The following RNLS variants were observed in gnomAD, a reference collection of about 807,000 sequenced individuals.
RNLS encodes the protein renalase.
RNLS carries 39 observed loss-of-function variants against 39.8 expected under a neutral mutation model. The ratio of observed to expected loss-of-function variants is 0.98; its 90% CI spans 0.76 to 1.28. The LOEUF is 1.28. Among genes scored for constraint, RNLS ranks in the 50% most tolerant of loss-of-function variants. The probability of loss-of-function intolerance (pLI) is 0.00; values close to 1 mark genes in which losing one functional copy is unlikely to be tolerated. For missense variants in RNLS, 410 were observed against 413.3 expected (o/e 0.99, Z 0.07); for synonymous variants, 147 against 150.7 (o/e 0.98, Z 0.18).
chr10:88,323,095 C>T (rs562164926), intron 5 of RNLS, among the ~76,000 whole-genome samples: 1 of 152,144 alleles, frequency 6.6e-6, no homozygotes, highest in East Asian at 1.9e-4. Flanking sequence ...AAGATCTATA[C>T]AAGGAGAACA....
At chr10:88,447,755 C>G (rs1842127758) in intron 4 of RNLS, among the ~76,000 whole-genome samples, 1 of 152,180 alleles carries the variant, frequency 6.6e-6, no homozygotes, top group South Asian at 2.1e-4. Flanking sequence ...TGACTTCAAA[C>G]TAAACTACAA....
At chr10:88,237,870 G>A in the RNLS span, among the ~76,000 whole-genome samples, 208 of 152,342 alleles carry the variant, frequency 1.4e-3, 1 homozygote, top group African/African-American at 4.7e-3. Context: ...CCATGTAGTT[G>A]AAGCGGTAAC....
intron 4 of RNLS, among the ~76,000 whole-genome samples, chr10:88,448,609 A>G (rs537626222): frequency 3.9e-5 from 6 of 152,258 alleles, no homozygotes; most frequent in South Asian, 2.1e-4. Flanking sequence ...TTACAGATCT[A>G]GAACTAGAAA....
In RNLS at chr10:88,500,402, G is replaced by A. The variant is rs150188316; in HGVS notation, c.526+72501C>T. On this transcript the variant is annotated intron_variant, in intron 4 of 6. Coordinates refer to ENST00000331772, the MANE Select transcript of RNLS (RefSeq NM_001031709.3). Reference sequence around the variant, plus strand: ...AGCATCTGTATTTTCCAAACTAGAAGTAAACTTTCCTCTTCAGTGATTTTG... The same window carrying A: ...AGCATCTGTATTTTCCAAACTAGAAATAAACTTTCCTCTTCAGTGATTTTG... Among the ~76,000 whole-genome samples, 201 of 152,266 alleles carry A rather than the reference G, an allele frequency of 1.3e-3. 1 individual carries two copies. The highest frequency in any genetic ancestry group is 4.7e-3 in the African/African-American group (196 of 41,576).
intron 5 of RNLS, among the ~76,000 whole-genome samples, chr10:88,356,458 G>A (rs1362168621): frequency 6.6e-6 from 1 of 152,166 alleles, no homozygotes; most frequent in Non-Finnish European, 1.5e-5. Flanking sequence ...GTGTCACAAG[G>A]TGACAGGATT....
At chr10:88,519,367 T>C (rs1161429493) in intron 4 of RNLS, among the ~76,000 whole-genome samples, 1 of 151,912 alleles carries the variant, frequency 6.6e-6, no homozygotes. Flanking sequence ...AGACTAATGC[T>C]TACATAGGCA....
At chr10:88,578,263 A>AT (rs558086166) in intron 3 of RNLS, among the ~76,000 whole-genome samples, 305 of 152,008 alleles carry the variant, frequency 2.0e-3, no homozygotes, top group Middle Eastern at 3.4e-3. Flanking sequence ...CATTACGCTC[A>AT]TTTTTTTCAA....
At chr10:88,554,345 T>G (rs1380241555) in intron 4 of RNLS, among the ~76,000 whole-genome samples, 1 of 152,180 alleles carries the variant, frequency 6.6e-6, no homozygotes, top group Non-Finnish European at 1.5e-5. Flanking sequence ...ATTCATTTAT[T>G]CATTCACTCA....
intron 4 of RNLS, among the ~76,000 whole-genome samples, chr10:88,488,546 C>CAAAAAAA (rs3033822): frequency 2.5e-5 from 2 of 78,996 alleles, no homozygotes; most frequent in South Asian, 4.2e-4. Flanking sequence ...AACTCCGTCT[C>CAAAAAAA]AAAAAAAAAA....
At chr10:88,405,656 T>G (rs898390918) in intron 4 of RNLS, among the ~76,000 whole-genome samples, 1 of 152,036 alleles carries the variant, frequency 6.6e-6, no homozygotes, top group Non-Finnish European at 1.5e-5. Context: ...CATTCTGCAG[T>G]TCTGTATCTT....
At chr10:88,572,199 T>TA (rs1234054232) in intron 4 of RNLS, among the ~76,000 whole-genome samples, 2 of 152,182 alleles carry the variant, frequency 1.3e-5, no homozygotes, top group Non-Finnish European at 2.9e-5. Flanking sequence ...ATTTGTAGTT[T>TA]AGAGTCTACT....
chr10:88,401,322 C>T (rs1852901920), intron 4 of RNLS, among the ~76,000 whole-genome samples: 1 of 151,966 alleles, frequency 6.6e-6, no homozygotes, highest in African/African-American at 2.4e-5. Context: ...TGAGACAGGT[C>T]TTTATAACAT....
chr10:88,566,490 C>T (rs1849508827), intron 4 of RNLS, among the ~76,000 whole-genome samples: 2 of 151,884 alleles, frequency 1.3e-5, no homozygotes, highest in Admixed American at 1.3e-4. Flanking sequence ...AGAACAGAAC[C>T]TAAGAAATGA....
Position 88,284,585 on chromosome 10 carries a change from A to G in RNLS, c.*769T>C, listed in dbSNP as rs919907709. 1 of 985,162 alleles carries G rather than the reference A, an allele frequency of 1.0e-6. No individual in the cohort carries two copies. Among genetic ancestry groups the G allele is most frequent in the Non-Finnish European group, 1.2e-6 (1 of 829,814 alleles). The allele number at this position is 985,162 out of a possible 1,614,324, so 61.0% of individuals were successfully genotyped here. On this transcript the variant is annotated 3_prime_UTR_variant, in exon 7 of 7. Coordinates refer to ENST00000331772, the MANE Select transcript of RNLS (RefSeq NM_001031709.3). The stretch of plus-strand genomic sequence containing the variant: ...GTCTAAATGCCACAGCACATACTGG[A>G]GAACCCATAAAGTAACAGCAACAGC...
At chr10:88,565,237 T>C (rs1261756028) in intron 4 of RNLS, among the ~76,000 whole-genome samples, 1 of 152,138 alleles carries the variant, frequency 6.6e-6, no homozygotes, top group Non-Finnish European at 1.5e-5. Context: ...CCTCTCTAGT[T>C]TAGATTCTAA....
intron 4 of RNLS, among the ~76,000 whole-genome samples, chr10:88,453,689 T>C (rs1842471420): frequency 6.6e-6 from 1 of 152,238 alleles, no homozygotes; most frequent in African/African-American, 2.4e-5. Flanking sequence ...TCTGCTGGTA[T>C]TACTCCTTCT....
intron 5 of RNLS, among the ~76,000 whole-genome samples, chr10:88,329,814 T>C (rs898784092): frequency 2.6e-5 from 4 of 151,972 alleles, no homozygotes; most frequent in Non-Finnish European, 5.9e-5. Flanking sequence ...CAAATTTAAA[T>C]TATTTTATTT....
intron 4 of RNLS, among the ~76,000 whole-genome samples, chr10:88,379,091 G>A (rs984611219): frequency 1.3e-5 from 2 of 152,144 alleles, no homozygotes; most frequent in Non-Finnish European, 2.9e-5. Flanking sequence ...TTTTGCTCTG[G>A]CATTATGATG....
chr10:88,332,175 A>G (rs1293239675), intron 5 of RNLS, among the ~76,000 whole-genome samples: 1 of 152,258 alleles, frequency 6.6e-6, no homozygotes, highest in Non-Finnish European at 1.5e-5. Context: ...TCTTATATAT[A>G]GGTTACAGCA....
Sources: gnomAD v4.1 joint callset for allele counts (sites outside exome capture counted in the v4.1 genomes callset) on GRCh38, gnomAD v4.1.1 for gene constraint, MANE v1.5 for transcripts, NCBI Gene and HGNC (gene_info 2026-07-23, HGNC 2026-07-21) for gene names.